Variants in NELL1 observed in about 807,000 individuals in gnomAD.
NELL1 encodes the protein neural EGFL like 1, also known as protein kinase C-binding protein NELL1.
A neutral mutation model predicts 107.4 loss-of-function variants in NELL1; 76 were observed. The ratio of observed to expected loss-of-function variants is 0.71; its 90% confidence interval spans 0.59 to 0.86. The LOEUF is 0.86. NELL1 is among the 40% of genes least tolerant of loss of function. NELL1 has a pLI of 0.00. For synonymous variants in NELL1, 353 were observed against 341.2 expected (o/e 1.03, Z -0.38); for missense variants, 1,024 against 1,005.5 (o/e 1.02, Z -0.25).
chr11:21,559,082 G>C (rs1856790904), intron 16 of NELL1, among the ~76,000 whole-genome samples: 1 of 152,034 alleles, frequency 6.6e-6, no homozygotes, highest in African/African-American at 2.4e-5. Context: ...AAATTGGTAA[G>C]ACAAAGCCAA....
chr11:21,126,073 G>A (rs1855480448), intron 13 of NELL1, among the ~76,000 whole-genome samples: 1 of 152,174 alleles, frequency 6.6e-6, no homozygotes, highest in South Asian at 2.1e-4. Flanking sequence ...TCTATGTTAA[G>A]GTGTGGGAGG....
At chr11:21,159,344 G>GA (rs1856312185) in intron 13 of NELL1, among the ~76,000 whole-genome samples, 1 of 152,174 alleles carries the variant, frequency 6.6e-6, no homozygotes, top group Non-Finnish European at 1.5e-5. Flanking sequence ...AATTTAAGCA[G>GA]AAAATAGAAG....
At chr11:20,986,475 C>A (rs1851855372) in intron 12 of NELL1, among the ~76,000 whole-genome samples, 2 of 152,184 alleles carry the variant, frequency 1.3e-5, no homozygotes, top group African/African-American at 4.8e-5. Flanking sequence ...ATCTTTAGCA[C>A]CTGCACAAGG....
chr11:20,950,583 A>G (rs142807089), intron 11 of NELL1, among the ~76,000 whole-genome samples: 2 of 152,338 alleles, frequency 1.3e-5, no homozygotes, highest in East Asian at 3.9e-4. Flanking sequence ...GGACTTCTAA[A>G]GCAAATTATT....
At chr11:20,759,588 A>T (rs2133955783) in intron 2 of NELL1, among the ~76,000 whole-genome samples, 1 of 152,182 alleles carries the variant, frequency 6.6e-6, no homozygotes, top group South Asian at 2.1e-4. Context: ...GCATCTCACC[A>T]CTCAGTCCGA....
chr11:20,748,209 T>G (rs1856047071), intron 2 of NELL1, among the ~76,000 whole-genome samples: 1 of 152,054 alleles, frequency 6.6e-6, no homozygotes, highest in Non-Finnish European at 1.5e-5. Context: ...AATCATTAGG[T>G]GGTCTTTGTG....
intron 3 of NELL1, among the ~76,000 whole-genome samples, chr11:20,835,693 T>G (rs1458773274): frequency 6.6e-6 from 1 of 152,200 alleles, no homozygotes; most frequent in East Asian, 1.9e-4. Context: ...CTTTTCTTCC[T>G]AAAAAATGAT....
At chr11:21,269,382 A>G (rs997158722) in intron 14 of NELL1, among the ~76,000 whole-genome samples, 3 of 151,798 alleles carry the variant, frequency 2.0e-5, no homozygotes, top group Non-Finnish European at 4.4e-5. Flanking sequence ...TCTCTCACAC[A>G]CACACACACA....
At chr11:21,064,553 G>C (rs929982106) in intron 12 of NELL1, among the ~76,000 whole-genome samples, 24 of 152,122 alleles carry the variant, frequency 1.6e-4, no homozygotes, top group Admixed American at 8.5e-4. Flanking sequence ...ATGGTAAAAA[G>C]TTCAGATTTT....
In NELL1 at chr11:20,915,700, G is replaced by GAGATATATATATATATATAT. The variant is rs1554943700; in HGVS notation, c.604-2481_604-2480insGATATATATATATATATATA. ...TTCATCTGTGGAAATCCTCATAGAT[G>GAGATATATATATATATATAT]ATATATATATATATATATTTTTTTT... On this transcript the variant is annotated intron_variant, in intron 5 of 19. Coordinates refer to ENST00000357134, the MANE Select transcript of NELL1 (RefSeq NM_006157.5). 3.3e-3 allele frequency among the ~76,000 whole-genome samples: 96 copies of GAGATATATATATATATATAT among 29,440 alleles called. 2 individuals carry two copies. The highest frequency in any genetic ancestry group is 5.2e-3 in the Non-Finnish European group (69 of 13,358). 19.3% of individuals were successfully genotyped at this position (29,440 alleles called of 152,430 possible).
At chr11:21,025,077 T>C (rs1852784234) in intron 12 of NELL1, among the ~76,000 whole-genome samples, 1 of 152,140 alleles carries the variant, frequency 6.6e-6, no homozygotes, top group African/African-American at 2.4e-5. Context: ...CCATGGTCTG[T>C]ATAATGTTTT....
At chr11:21,403,373 C>T (rs889082222) in intron 15 of NELL1, among the ~76,000 whole-genome samples, 1 of 151,750 alleles carries the variant, frequency 6.6e-6, no homozygotes, top group East Asian at 2.0e-4. Flanking sequence ...AAATCCAATC[C>T]AACCTATCTT....
At chr11:21,489,396 A>AC (rs1590972442) in intron 15 of NELL1, among the ~76,000 whole-genome samples, 2 of 147,394 alleles carry the variant, frequency 1.4e-5, no homozygotes, top group Admixed American at 6.8e-5. Flanking sequence ...AAAAAAAAAA[A>AC]AAAAAAAAAA....
intron 14 of NELL1, among the ~76,000 whole-genome samples, chr11:21,277,344 A>G (rs1284975079): frequency 1.3e-5 from 2 of 151,328 alleles, no homozygotes; most frequent in East Asian, 1.9e-4. Context: ...CAAAACTACA[A>G]TGAGATACCA....
intron 14 of NELL1, among the ~76,000 whole-genome samples, chr11:21,338,572 T>A (rs1441444256): frequency 6.6e-6 from 1 of 152,158 alleles, no homozygotes; most frequent in Non-Finnish European, 1.5e-5. Flanking sequence ...TACTCTTTTG[T>A]TTCATGAGGA....
intron 2 of NELL1, among the ~76,000 whole-genome samples, chr11:20,783,271 A>G (rs1342837154): frequency 6.6e-6 from 1 of 152,210 alleles, no homozygotes; most frequent in African/African-American, 2.4e-5. Context: ...ATTTAGGACC[A>G]CATTTATCCG....
intron 5 of NELL1, among the ~76,000 whole-genome samples, chr11:20,911,626 G>C (rs1045988040): frequency 6.6e-6 from 1 of 152,178 alleles, no homozygotes; most frequent in Admixed American, 6.6e-5. Flanking sequence ...TGGGTTTCCA[G>C]CTTCAAAGAA....
intron 3 of NELL1, among the ~76,000 whole-genome samples, chr11:20,827,655 A>G (rs1564925228): frequency 6.6e-6 from 1 of 151,300 alleles, no homozygotes; most frequent in Admixed American, 6.6e-5. Context: ...ACATGTATCA[A>G]TTACTTCTGC....
intron 15 of NELL1, among the ~76,000 whole-genome samples, chr11:21,493,683 A>G (rs1854895471): frequency 6.6e-6 from 1 of 152,096 alleles, no homozygotes; most frequent in Admixed American, 6.6e-5. Flanking sequence ...CCAATATTTG[A>G]CAGCAGATAG....
Sources: allele counts gnomAD v4.1 joint callset (sites outside exome capture counted in the v4.1 genomes callset), GRCh38; gene constraint gnomAD v4.1.1; transcripts MANE v1.5; gene names NCBI Gene and HGNC (gene_info 2026-07-23, HGNC 2026-07-21).